Variants in TRAPPC9 observed in about 807,000 individuals in gnomAD.
TRAPPC9 encodes trafficking protein particle complex subunit 9.
In TRAPPC9, 83 loss-of-function variants were observed where a neutral mutation model predicts 124.0. The ratio of observed to expected loss-of-function variants is 0.67; its 90% confidence interval spans 0.56 to 0.80. The LOEUF (loss-of-function observed/expected upper bound fraction) is 0.80. TRAPPC9 is among the 30% of genes least tolerant of loss of function. The probability of loss-of-function intolerance (pLI) is 0.00; values close to 1 mark genes in which losing one functional copy is unlikely to be tolerated. For synonymous variants in TRAPPC9, 638 were observed against 617.5 expected (o/e 1.03, Z -0.49); for missense variants, 1,302 against 1,508.3 (o/e 0.86, Z 2.27).
intron 21 of TRAPPC9, among the ~76,000 whole-genome samples, chr8:139,827,977 A>C (rs1235658275): frequency 2.0e-5 from 3 of 152,174 alleles, no homozygotes; most frequent in African/African-American, 7.2e-5. Flanking sequence ...TCTTACGTGA[A>C]CTCACTCATC....
intron 21 of TRAPPC9, among the ~76,000 whole-genome samples, chr8:139,841,392 A>T (rs1039298208): frequency 6.6e-6 from 1 of 152,160 alleles, no homozygotes; most frequent in South Asian, 2.1e-4. Flanking sequence ...TGCCTAGCAC[A>T]TGGGGGCACA....
At chr8:140,431,984 G>A (rs2070662596) in intron 4 of TRAPPC9, among the ~76,000 whole-genome samples, 1 of 152,160 alleles carries the variant, frequency 6.6e-6, no homozygotes, top group South Asian at 2.1e-4. Flanking sequence ...TTTTCATGCT[G>A]AAATGACATA....
chr8:140,128,968 A>G (rs2061148251), intron 17 of TRAPPC9, among the ~76,000 whole-genome samples: 1 of 122,324 alleles, frequency 8.2e-6, no homozygotes, highest in South Asian at 2.4e-4. Context: ...TTAAACTATA[A>G]TAAAATATAT....
intron 1 of TRAPPC9, 40 bp from the exon 2 acceptor site, chr8:140,451,423 C>T (rs1415890938): frequency 6.5e-7 from 1 of 1,547,168 alleles, no homozygotes; most frequent in Non-Finnish European, 8.8e-7. Context: ...GACACAGAGT[C>T]CTGAGTGCTG....
chr8:140,230,209 C>T (rs920801522), intron 16 of TRAPPC9, among the ~76,000 whole-genome samples: 2 of 152,374 alleles, frequency 1.3e-5, no homozygotes, highest in Admixed American at 1.3e-4. Context: ...GACAAAGACA[C>T]TGGCCACACA....
intron 12 of TRAPPC9, among the ~76,000 whole-genome samples, chr8:140,289,508 C>T (rs2065588465): frequency 6.6e-6 from 1 of 151,978 alleles, no homozygotes; most frequent in South Asian, 2.1e-4. Context: ...TGTACTATTC[C>T]CTGTAACATT....
rs1324078812 is a variant in TRAPPC9, at chr8:140,221,555, C to G, written c.2460G>C (p.Leu820=). 6.2e-7 allele frequency: 1 copy of G among 1,614,122 alleles called. No individual in the cohort carries two copies. The highest frequency in any genetic ancestry group is 1.1e-5 in the South Asian group (1 of 91,078). The change falls in exon 17 of 23, where the codon CTG becomes CTC. Residue 820 remains leucine, a synonymous_variant. Coordinates refer to ENST00000438773, the MANE Select transcript of TRAPPC9 (RefSeq NM_001160372.4). ...GAACGACCTGCCGAAAAGGACTGGA[C>G]AGGGGAAAGCCACTCACACTGATTC... The part of the protein sequence containing the change: ...DDGISVSGFP[L]SSPFRQVVRP...
At chr8:140,244,816 T>C (rs11988521) in intron 16 of TRAPPC9, among the ~76,000 whole-genome samples, 4 of 147,496 alleles carry the variant, frequency 2.7e-5, no homozygotes, top group Non-Finnish European at 4.5e-5. Flanking sequence ...TTTTTTTTTT[T>C]TTTTTTTTTG....
chr8:140,446,901 A>T (rs927043717), intron 2 of TRAPPC9, among the ~76,000 whole-genome samples: 7 of 152,074 alleles, frequency 4.6e-5, no homozygotes, highest in African/African-American at 1.7e-4. Flanking sequence ...GAAATGGGAA[A>T]TGGCATGCTC....
intron 9 of TRAPPC9, among the ~76,000 whole-genome samples, chr8:140,343,968 G>A (rs138188530): frequency 2.2e-3 from 337 of 152,204 alleles, no homozygotes; most frequent in African/African-American, 6.1e-3. Flanking sequence ...TGGAGGGAAC[G>A]GTGGAAATGG....
At chr8:140,085,175 G>A (rs778596871) in intron 17 of TRAPPC9, among the ~76,000 whole-genome samples, 4 of 152,132 alleles carry the variant, frequency 2.6e-5, no homozygotes, top group East Asian at 1.9e-4. Flanking sequence ...GTTCCCCGAC[G>A]CTCCACAGTC....
rs972161911 is a variant in TRAPPC9 at position 139,993,627 on chromosome 8, A to C, written c.2700-4791T>G. 1.1e-4 allele frequency among the ~76,000 whole-genome samples: 16 copies of C among 152,242 alleles called. 1 individual carries two copies. The highest frequency in any genetic ancestry group is 9.8e-4 in the Admixed American group (15 of 15,286). On this transcript the variant is annotated intron_variant, in intron 18 of 22. Transcript: ENST00000438773. ...TTTATAAAAGTAAAGAACTGCTTTTAACTAAGTGCACATCAACTGGAGAGT... is the reference window on the plus strand; with the variant it reads ...TTTATAAAAGTAAAGAACTGCTTTTCACTAAGTGCACATCAACTGGAGAGT...
chr8:140,318,829 T>A (rs2066509077), intron 9 of TRAPPC9, among the ~76,000 whole-genome samples: 1 of 152,236 alleles, frequency 6.6e-6, no homozygotes, highest in African/African-American at 2.4e-5. Flanking sequence ...AATTATTTTC[T>A]CATGGTCATA....
At chr8:139,740,446 C>T (rs542467797) in intron 21 of TRAPPC9, among the ~76,000 whole-genome samples, 12 of 152,318 alleles carry the variant, frequency 7.9e-5, no homozygotes, top group South Asian at 2.1e-4. Context: ...GGGCTGAGAA[C>T]GAGGCAATGT....
chr8:140,295,636 T>C (rs1683989745), intron 11 of TRAPPC9, among the ~76,000 whole-genome samples: 1 of 152,186 alleles, frequency 6.6e-6, no homozygotes, highest in Admixed American at 6.5e-5. Flanking sequence ...ACACAAAGAC[T>C]CGTGAACTAT....
intron 21 of TRAPPC9, among the ~76,000 whole-genome samples, chr8:139,799,988 G>C (rs1025577633): frequency 6.6e-6 from 1 of 152,242 alleles, no homozygotes; most frequent in Admixed American, 6.5e-5. Context: ...CACGGAGATG[G>C]ACAAAGGGCA....
intron 20 of TRAPPC9, among the ~76,000 whole-genome samples, chr8:139,901,125 T>C (rs1294848794): frequency 6.6e-6 from 1 of 152,184 alleles, no homozygotes; most frequent in African/African-American, 2.4e-5. Flanking sequence ...ATGAAGGTTT[T>C]CACACTGGAT....
chr8:139,928,705 C>T (rs948761766), intron 19 of TRAPPC9, among the ~76,000 whole-genome samples: 17 of 151,216 alleles, frequency 1.1e-4, no homozygotes, highest in African/African-American at 3.9e-4. Context: ...CATCTCCATG[C>T]TTGTGTGCTG....
At chr8:140,313,410 G>A (rs1057133010) in intron 9 of TRAPPC9, among the ~76,000 whole-genome samples, 1 of 152,208 alleles carries the variant, frequency 6.6e-6, no homozygotes, top group South Asian at 2.1e-4. Context: ...ACTCGGCTAA[G>A]CTCTGAATGG....
Sources: gnomAD v4.1 joint callset for allele counts (sites outside exome capture counted in the v4.1 genomes callset) on GRCh38, gnomAD v4.1.1 for gene constraint, MANE v1.5 for transcripts, NCBI Gene and HGNC (gene_info 2026-07-23, HGNC 2026-07-21) for gene names.